The following DGKI variants were observed in gnomAD, a reference collection of about 807,000 sequenced individuals.
The protein encoded by DGKI is diacylglycerol kinase iota.
A neutral mutation model predicts 147.5 loss-of-function variants in DGKI; 55 were observed. The observed-to-expected ratio is 0.37, with a 90% CI of 0.30 to 0.47. DGKI has a LOEUF of 0.47. Ranked by LOEUF, DGKI falls within the 20% of genes least tolerant of loss-of-function variation. DGKI has a pLI of 1.00. For missense variants in DGKI, 1,007 were observed against 1,323.8 expected, an observed-to-expected ratio of 0.76 and a Z score of 3.71; for synonymous variants, 469 against 477.1, an observed-to-expected ratio of 0.98 and a Z score of 0.22.
At chr7:137,523,046 G>T (rs562410560) in intron 20 of DGKI, among the ~76,000 whole-genome samples, 3 of 150,118 alleles carry the variant, frequency 2.0e-5, no homozygotes, top group South Asian at 4.2e-4. Context: ...AAGGAAAGAA[G>T]GAAACAGAAA....
At chr7:137,620,202 T>A (rs1820698211) in intron 7 of DGKI, among the ~76,000 whole-genome samples, 2 of 152,120 alleles carry the variant, frequency 1.3e-5, no homozygotes, top group Non-Finnish European at 2.9e-5. Flanking sequence ...TACAAACTTA[T>A]AACATTGATA....
chr7:137,388,464 G>A lies in DGKI; in HGVS notation c.*2756C>T, dbSNP rs760445462. 5.3e-5 allele frequency: 8 copies of A among 152,260 alleles called. No individual in the cohort carries two copies. The highest frequency in any genetic ancestry group is 7.2e-5 in the African/African-American group (3 of 41,570). 9.4% of individuals were successfully genotyped at this position (152,260 alleles called of 1,614,324 possible). On this transcript the variant is annotated 3_prime_UTR_variant, in exon 33 of 33. Transcript: ENST00000614521. ...CTTCAGTGCTGTCTCAGTAGGCTTTGTAGAAATGATATTTCTATAGGTACA... is the reference window on the plus strand; with the variant it reads ...CTTCAGTGCTGTCTCAGTAGGCTTTATAGAAATGATATTTCTATAGGTACA...
chr7:137,618,644 A>T (rs75566162), intron 8 of DGKI, among the ~76,000 whole-genome samples: 7,869 of 152,208 alleles, frequency 0.052, 634 homozygotes, highest in African/African-American at 0.17. Flanking sequence ...AAAAAATTTT[A>T]AAGTAGAAAT....
Position 137,652,961 on chromosome 7 carries a change from T to C in DGKI, c.738+1771A>G, listed in dbSNP as rs139795130. ...GTCTTCCTCATAAGCTCCAAACTCA[T>C]ATACCCACTCAACCTTCTATTGGGC... On this transcript the variant is annotated intron_variant, in intron 5 of 32. Coordinates refer to ENST00000614521, the MANE Select transcript of DGKI (RefSeq NM_001321708.2). Among the ~76,000 whole-genome samples the C allele has an allele frequency of 5.0e-4, 76 of 152,310 alleles. No homozygotes were observed. In the East Asian group the frequency reaches 5.2e-3, roughly 10 times the overall value.
At chr7:137,535,315 G>T (rs10281244) in intron 20 of DGKI, among the ~76,000 whole-genome samples, 1 of 151,826 alleles carries the variant, frequency 6.6e-6, no homozygotes, top group East Asian at 1.9e-4. Context: ...TGATATCCCC[G>T]CCCTGGCTAT....
At chr7:137,696,164 AT>A (rs1456507465) in intron 1 of DGKI, among the ~76,000 whole-genome samples, 2 of 152,182 alleles carry the variant, frequency 1.3e-5, no homozygotes, top group Non-Finnish European at 2.9e-5. Flanking sequence ...TTCAACAAAC[AT>A]TTGACAAACT....
At chr7:137,527,829 T>G (rs1817204905) in intron 20 of DGKI, among the ~76,000 whole-genome samples, 1 of 152,040 alleles carries the variant, frequency 6.6e-6, no homozygotes, top group African/African-American at 2.4e-5. Flanking sequence ...CAATTCTACC[T>G]GATCATAATC....
intron 2 of DGKI, among the ~76,000 whole-genome samples, chr7:137,685,556 C>T (rs1346268477): frequency 1.3e-5 from 2 of 152,168 alleles, no homozygotes; most frequent in African/African-American, 4.8e-5. Context: ...TCTAAATGGA[C>T]TAATTCACTC....
At chr7:137,431,753 A>G (rs1362936372) in intron 28 of DGKI, among the ~76,000 whole-genome samples, 1 of 152,226 alleles carries the variant, frequency 6.6e-6, no homozygotes, top group African/African-American at 2.4e-5. Context: ...AAGAGGCCTT[A>G]GAAGGCAGCC....
intron 1 of DGKI, among the ~76,000 whole-genome samples, chr7:137,803,847 T>G (rs55765711): frequency 0.034 from 5,107 of 152,342 alleles, 132 homozygotes; most frequent in Non-Finnish European, 0.051. Context: ...ATGCATAACC[T>G]ATTTGGATTT....
chr7:137,599,183 C>T (rs2075620614), intron 11 of DGKI, among the ~76,000 whole-genome samples: 2 of 152,060 alleles, frequency 1.3e-5, no homozygotes, highest in African/African-American at 4.8e-5. Context: ...TGGTCTTTTC[C>T]ACTGTGTGCC....
chr7:137,430,189 T>C (rs1266416218), intron 28 of DGKI, among the ~76,000 whole-genome samples: 3 of 146,024 alleles, frequency 2.1e-5, no homozygotes, highest in Non-Finnish European at 3.0e-5. Context: ...GTTAAGAAAA[T>C]GTGGCACATA....
At chr7:137,840,470 A>G (rs1213637998) in intron 1 of DGKI, among the ~76,000 whole-genome samples, 1 of 152,248 alleles carries the variant, frequency 6.6e-6, no homozygotes, top group Non-Finnish European at 1.5e-5. Flanking sequence ...GAGAAAATCA[A>G]TGCTGCCCCT....
chr7:137,527,750 ACT>A (rs1351432476), intron 20 of DGKI, among the ~76,000 whole-genome samples: 1 of 152,138 alleles, frequency 6.6e-6, no homozygotes, highest in African/African-American at 2.4e-5. Flanking sequence ...GAAAAGCATA[ACT>A]CTGTCTGCCT....
rs1190886444 is a variant in DGKI at position 137,464,268 on chromosome 7, A to G, written c.2613-657T>C. ...CGAGACTCCATCTCAAAAAAAAAAAAAAAAAAAAAAGGAAAAGAAAAAGAA... is the reference window on the plus strand; with the variant it reads ...CGAGACTCCATCTCAAAAAAAAAAAGAAAAAAAAAAGGAAAAGAAAAAGAA... On this transcript the variant is annotated intron_variant, in intron 26 of 32. Transcript: ENST00000614521. Among the ~76,000 whole-genome samples the G allele has an allele frequency of 3.9e-5, 5 of 128,774 alleles. 1 individual carries two copies. The South Asian group carries it at 1.0e-3, about 27-fold the overall frequency. The allele number at this position is 128,774 out of a possible 152,430, so 84.5% of individuals were successfully genotyped here. A position where few individuals can be genotyped will look rare whatever the true frequency, so the allele number is the denominator to read the frequency against.
At chr7:137,632,729 C>T (rs58245080) in intron 6 of DGKI, among the ~76,000 whole-genome samples, 8,426 of 152,038 alleles carry the variant, frequency 0.055, 705 homozygotes, top group African/African-American at 0.18. Context: ...CGTGGTGGCA[C>T]ACGCCTGTAG....
rs1173779766 is a variant in DGKI, at chr7:137,463,558, C to T, written c.2666G>A (p.Gly889Glu). Residue 889 changes from glycine to glutamate, a missense_variant, in exon 27 of 33, where the codon GGG (glycine) becomes GAG (glutamate). Physicochemically the swap from Gly to Glu is moderately conservative, Grantham distance 98. Around this residue, in one of 5 missense-constraint regions of DGKI, gnomAD observed 385 missense variants for 445.2 expected, o/e 0.86. Transcript: ENST00000614521. Reference protein sequence around the residue: ...ALRKRMLSDSGLGMIAPYYED... With the variant: ...ALRKRMLSDSELGMIAPYYED... ...ATAATAGGGAGCTATCATCCCCAGC[C>T]CACTGTCACTCAGCATGCGTTTCCG... is the stretch of plus-strand genomic sequence containing the variant. The T allele has an allele frequency of 5.0e-6, 8 of 1,614,188 alleles. No homozygotes were observed. The highest frequency in any genetic ancestry group is 6.8e-6 in the Non-Finnish European group (8 of 1,180,034).
intron 25 of DGKI, 116 bp downstream of exon 25, chr7:137,466,786 T>C: frequency 9.8e-7 from 1 of 1,017,250 alleles, no homozygotes; most frequent in South Asian, 1.3e-5. Context: ...ATGAACACCA[T>C]TCCAAAATTT....
chr7:137,483,834 T>C (rs1815458055), intron 23 of DGKI, among the ~76,000 whole-genome samples: 1 of 152,100 alleles, frequency 6.6e-6, no homozygotes. Flanking sequence ...ACTTTCTTTA[T>C]CCAGTCTATC....
Sources: gnomAD v4.1 joint callset for allele counts (sites outside exome capture counted in the v4.1 genomes callset) on GRCh38, gnomAD v4.1.1 for gene constraint, gnomAD v4.1.1 regional missense constraint, MANE v1.5 for transcripts, NCBI Gene and HGNC (gene_info 2026-07-23, HGNC 2026-07-21) for gene names.